PKNOX2: variants seen among roughly 807,000 people sequenced by gnomAD.
PKNOX2 encodes the protein homeobox protein PKNOX2.
A neutral mutation model predicts 53.1 loss-of-function variants in PKNOX2; 14 were observed. The ratio of observed to expected loss-of-function variants is 0.26; its 90% CI spans 0.17 to 0.41. The LOEUF (loss-of-function observed/expected upper bound fraction) is 0.41, where lower values mean the gene tolerates loss of function less well. Among genes scored for constraint, PKNOX2 ranks in the 10% least tolerant of loss-of-function variants. PKNOX2 has a pLI of 1.00. For missense variants in PKNOX2, 496 were observed against 602.8 expected (o/e 0.82, Z 1.85); for synonymous variants, 257 against 242.8 (o/e 1.06, Z -0.54).
At chr11:125,410,164 A>G (rs1294965427) in intron 7 of PKNOX2, 32 bp from the exon 8 acceptor site, 4 of 1,611,808 alleles carry the variant, frequency 2.5e-6, no homozygotes, top group East Asian at 4.5e-5. Context: ...TCTCAGTGTC[A>G]TTGTCACAAA....
intron 5 of PKNOX2, among the ~76,000 whole-genome samples, chr11:125,381,433 G>C (rs1331673117): frequency 2.6e-5 from 4 of 152,140 alleles, no homozygotes; most frequent in African/African-American, 9.7e-5. Flanking sequence ...ATGCTCCATA[G>C]ACTCTTAGTT....
chr11:125,228,100 T>G (rs1477126621), intron 1 of PKNOX2, among the ~76,000 whole-genome samples: 5 of 152,094 alleles, frequency 3.3e-5, no homozygotes, highest in Non-Finnish European at 4.4e-5. Flanking sequence ...TAAAAATCAG[T>G]TAAACAAAAA....
At position 125,268,630 on chromosome 11, in the gene PKNOX2, G is replaced by A. The variant is rs897745732; in HGVS notation, c.-130+33515G>A. 5.6e-4 allele frequency among the ~76,000 whole-genome samples: 85 copies of A among 152,178 alleles called. 1 individual carries two copies. The highest frequency in any genetic ancestry group is 4.6e-4 in the Admixed American group (7 of 15,276). On this transcript the variant is annotated intron_variant, in intron 2 of 12. Coordinates refer to ENST00000298282, the MANE Select transcript of PKNOX2 (RefSeq NM_001382323.2). ...CTGGCTTTCAGTGATATTATTGAAA[G>A]CATATAAAGCTGGTCTGGTTGGCCT... is the stretch of plus-strand genomic sequence containing the variant.
intron 5 of PKNOX2, among the ~76,000 whole-genome samples, chr11:125,372,169 G>A (rs1354110527): frequency 6.6e-6 from 1 of 152,146 alleles, no homozygotes; most frequent in Non-Finnish European, 1.5e-5. Context: ...AGGTTGATGT[G>A]CCGGCAAACG....
At chr11:125,278,961 C>A (rs1008135756) in intron 2 of PKNOX2, among the ~76,000 whole-genome samples, 6 of 152,184 alleles carry the variant, frequency 3.9e-5, no homozygotes, top group Non-Finnish European at 8.8e-5. Flanking sequence ...TGGCGGATGT[C>A]CGTTTTCCCA....
In PKNOX2 at chr11:125,167,258, A is replaced by G. The variant is rs868159710; in HGVS notation, c.-201+2482A>G. ...AGATTTGAGATTTCCTCCTCTTAAT[A>G]TTAAACCCACCATCCCAGCCCCCTG... is the stretch of plus-strand genomic sequence containing the variant. On this transcript the variant is annotated intron_variant, in intron 1 of 12. Coordinates refer to ENST00000298282, the MANE Select transcript of PKNOX2 (RefSeq NM_001382323.2). Among the ~76,000 whole-genome samples the G allele has an allele frequency of 1.6e-4, 25 of 152,014 alleles. 1 individual carries two copies. Among genetic ancestry groups the G allele is most frequent in the Admixed American group, 1.4e-3 (22 of 15,270 alleles).
At chr11:125,279,205 C>T (rs142898870) in intron 2 of PKNOX2, among the ~76,000 whole-genome samples, 1 of 152,312 alleles carries the variant, frequency 6.6e-6, no homozygotes, top group Non-Finnish European at 1.5e-5. Context: ...ATGTAGGTGC[C>T]ATGGCCTGTG....
chr11:125,307,946 T>G (rs1591521459), intron 2 of PKNOX2, among the ~76,000 whole-genome samples: 1 of 152,232 alleles, frequency 6.6e-6, no homozygotes, highest in African/African-American at 2.4e-5. Flanking sequence ...ACACAAAATG[T>G]ACTGCCAAGG....
chr11:125,356,950 G>A (rs374365260), intron 4 of PKNOX2, among the ~76,000 whole-genome samples: 10 of 152,358 alleles, frequency 6.6e-5, no homozygotes, highest in African/African-American at 2.2e-4. Flanking sequence ...TTAAGGGCTG[G>A]AGCCCCCTGC....
At chr11:125,347,569 G>A (rs1317439027) in intron 3 of PKNOX2, among the ~76,000 whole-genome samples, 1 of 152,116 alleles carries the variant, frequency 6.6e-6, no homozygotes, top group Non-Finnish European at 1.5e-5. Context: ...GGTTGAGGAG[G>A]CTGAGGGAGG....
intron 9 of PKNOX2, chr11:125,411,428 C>T: frequency 2.3e-6 from 1 of 433,164 alleles, no homozygotes; most frequent in South Asian, 2.1e-5. Flanking sequence ...ATATCTTCTC[C>T]TGTTCTCTCT....
rs370468946 is a variant in PKNOX2 at position 125,192,337 on chromosome 11, C to T, written c.-201+27561C>T. Among the ~76,000 whole-genome samples, 5 of 152,282 alleles carry T rather than the reference C, an allele frequency of 3.3e-5. No individual in the cohort carries two copies. The East Asian group carries it at 9.6e-4, about 29-fold the overall frequency. ...ATGCACTCATTCACAGGCGCTGCGG[C>T]TAAAGAATGTGTCTGAAGGCAGCTT... is the stretch of plus-strand genomic sequence containing the variant. On this transcript the variant is annotated intron_variant, in intron 1 of 12. Transcript: ENST00000298282.
At chr11:125,281,213 G>A (rs1307735074) in intron 2 of PKNOX2, among the ~76,000 whole-genome samples, 2 of 152,198 alleles carry the variant, frequency 1.3e-5, no homozygotes, top group East Asian at 3.8e-4. Flanking sequence ...AGCCACCTCA[G>A]GAGGAAAGAG....
chr11:125,288,742 T>C (rs1325194184), intron 2 of PKNOX2, among the ~76,000 whole-genome samples: 1 of 152,208 alleles, frequency 6.6e-6, no homozygotes, highest in Non-Finnish European at 1.5e-5. Context: ...ACTCCAAGTG[T>C]GGCCTGAGGA....
intron 6 of PKNOX2, among the ~76,000 whole-genome samples, chr11:125,390,319 A>G (rs1467281439): frequency 6.6e-6 from 1 of 152,226 alleles, no homozygotes; most frequent in East Asian, 1.9e-4. Flanking sequence ...TCCATGGCCC[A>G]GGCAGGAATC....
chr11:125,239,899 A>G (rs1230659609), intron 2 of PKNOX2, among the ~76,000 whole-genome samples: 1 of 152,192 alleles, frequency 6.6e-6, no homozygotes, highest in Admixed American at 6.5e-5. Flanking sequence ...GGTGTGATTT[A>G]ATGGCATTTC....
At chr11:125,237,783 A>G (rs1253708186) in intron 2 of PKNOX2, among the ~76,000 whole-genome samples, 2 of 152,160 alleles carry the variant, frequency 1.3e-5, no homozygotes, top group African/African-American at 4.8e-5. Context: ...TTGAGTCTGT[A>G]ACCCACAGCT....
chr11:125,359,754 C>A (rs1228674448), intron 4 of PKNOX2, among the ~76,000 whole-genome samples: 1 of 152,118 alleles, frequency 6.6e-6, no homozygotes, highest in Non-Finnish European at 1.5e-5. Flanking sequence ...GAGGGCTAGG[C>A]CTGGGCAGCC....
intron 2 of PKNOX2, among the ~76,000 whole-genome samples, chr11:125,238,601 T>C (rs916140996): frequency 6.6e-6 from 1 of 152,328 alleles, no homozygotes; most frequent in South Asian, 2.1e-4. Flanking sequence ...GATGGCATCA[T>C]CCCCAATGCT....
Sources: gnomAD v4.1 joint callset for allele counts (sites outside exome capture counted in the v4.1 genomes callset) on GRCh38, gnomAD v4.1.1 for gene constraint, MANE v1.5 for transcripts, NCBI Gene and HGNC (gene_info 2026-07-23, HGNC 2026-07-21) for gene names.